STK32B: variants seen among roughly 807,000 people sequenced by gnomAD.
STK32B encodes the protein serine/threonine kinase 32B, also known as serine/threonine-protein kinase 32B.
Under a neutral mutation model 52.6 loss-of-function variants are expected in STK32B, and 43 were observed. That is an observed-to-expected ratio of 0.82 (90% confidence interval 0.64 to 1.05). The LOEUF is 1.05. STK32B is among the 50% of genes least tolerant of loss of function. The pLI, the probability that STK32B is intolerant of heterozygous loss-of-function variation, is 0.00. For synonymous variants in STK32B, 238 were observed against 204.3 expected (o/e 1.17, Z -1.41); for missense variants, 621 against 534.6 (o/e 1.16, Z -1.59).
At chr4:5,351,141 C>T (rs1045745192) in intron 4 of STK32B, among the ~76,000 whole-genome samples, 2 of 152,016 alleles carry the variant, frequency 1.3e-5, no homozygotes, top group East Asian at 3.8e-4. Context: ...AAAGGACCTA[C>T]CAGACATTTA....
intron 3 of STK32B, among the ~76,000 whole-genome samples, chr4:5,247,514 C>A (rs751656019): frequency 6.6e-6 from 1 of 152,154 alleles, no homozygotes; most frequent in Non-Finnish European, 1.5e-5. Context: ...TGACCCCTTG[C>A]ACTTCTCGGG....
chr4:5,477,131 G>A (rs958169342), intron 11 of STK32B, among the ~76,000 whole-genome samples: 9 of 152,160 alleles, frequency 5.9e-5, no homozygotes, highest in African/African-American at 1.7e-4. Flanking sequence ...AAGGCTCCCC[G>A]ATGGGTAGTG....
At chr4:5,262,976 C>T (rs902233387) in intron 3 of STK32B, among the ~76,000 whole-genome samples, 1 of 152,070 alleles carries the variant, frequency 6.6e-6, no homozygotes, top group Non-Finnish European at 1.5e-5. Flanking sequence ...ATCAACTATC[C>T]CCTGAAGCCT....
chr4:5,334,027 G>C (rs1322744961), intron 4 of STK32B, among the ~76,000 whole-genome samples: 1 of 152,026 alleles, frequency 6.6e-6, no homozygotes. Context: ...GTCATTGGTA[G>C]CTTGATGGGG....
At chr4:5,497,284 A>G (rs1293160093) in intron 11 of STK32B, among the ~76,000 whole-genome samples, 1 of 152,258 alleles carries the variant, frequency 6.6e-6, no homozygotes, top group Non-Finnish European at 1.5e-5. Context: ...ACAAAAGCCA[A>G]TTAAACACAA....
intron 1 of STK32B, among the ~76,000 whole-genome samples, chr4:5,079,861 A>G (rs1458577807): frequency 6.6e-6 from 1 of 152,222 alleles, no homozygotes; most frequent in African/African-American, 2.4e-5. Context: ...TAAGCCAGAC[A>G]CAGAAAGACA....
chr4:5,167,385 G>T (rs942760294), intron 2 of STK32B, among the ~76,000 whole-genome samples: 1 of 152,196 alleles, frequency 6.6e-6, no homozygotes, highest in Non-Finnish European at 1.5e-5. Context: ...GAGATGATTT[G>T]CTCAGTGTCT....
intron 3 of STK32B, among the ~76,000 whole-genome samples, chr4:5,245,700 G>A (rs1325556194): frequency 6.6e-6 from 1 of 152,208 alleles, no homozygotes; most frequent in African/African-American, 2.4e-5. Context: ...TGTTTTCGCA[G>A]TGGCTGGTAC....
At chr4:5,385,897 CT>C (rs904567079) in intron 4 of STK32B, among the ~76,000 whole-genome samples, 31 of 148,902 alleles carry the variant, frequency 2.1e-4, no homozygotes, top group African/African-American at 7.2e-4. Context: ...AGATCCACCC[CT>C]AGCTATACCC....
At position 5,249,855 on chromosome 4, in the gene STK32B, C is replaced by A. The variant is rs141315414; in HGVS notation, c.261-81365C>A. Among the ~76,000 whole-genome samples, 1,116 of 152,244 alleles carry A rather than the reference C, an allele frequency of 7.3e-3. 13 individuals are homozygous for A. Among genetic ancestry groups the A allele is most frequent in the African/African-American group, 0.025 (1,055 of 41,540 alleles). On this transcript the variant is annotated intron_variant, in intron 3 of 11. Coordinates refer to ENST00000282908, the MANE Select transcript of STK32B (RefSeq NM_018401.3). ...CAGGGGTTTGGTGTACAGATTATTT[C>A]ATCACCTATGTAATAAGCACAGTAC...
intron 11 of STK32B, among the ~76,000 whole-genome samples, chr4:5,498,393 A>T (rs1387582697): frequency 1.5e-5 from 2 of 133,176 alleles, no homozygotes; most frequent in Admixed American, 6.9e-5. Context: ...GTCTGTGTTT[A>T]ACAACTGTTT....
chr4:5,170,525 G>A (rs911125023), intron 3 of STK32B, among the ~76,000 whole-genome samples: 3 of 149,002 alleles, frequency 2.0e-5, no homozygotes, highest in African/African-American at 7.5e-5. Context: ...TGTTCTCATT[G>A]TTCAATACCC....
rs1378444855 is a variant in STK32B at position 5,188,969 on chromosome 4, A to T, written c.260+20519A>T. Among the ~76,000 whole-genome samples the T allele has an allele frequency of 2.0e-5, 3 of 152,164 alleles. No individual in the cohort carries two copies. The East Asian group carries it at 5.8e-4, about 29-fold the overall frequency. ...ATGGCACATGTATACCTATGTAACA[A>T]ACCTGCACGTTGTGCACGTGTACCC... On this transcript the variant is annotated intron_variant, in intron 3 of 11. Transcript: ENST00000282908.
intron 3 of STK32B, among the ~76,000 whole-genome samples, chr4:5,321,397 T>C (rs1023295282): frequency 1.3e-5 from 2 of 152,200 alleles, no homozygotes; most frequent in Non-Finnish European, 2.9e-5. Flanking sequence ...TAAATGTCTT[T>C]TGGAATTTGG....
intron 3 of STK32B, among the ~76,000 whole-genome samples, chr4:5,274,087 A>G (rs977651826): frequency 1.3e-5 from 2 of 152,218 alleles, no homozygotes; most frequent in Admixed American, 6.5e-5. Flanking sequence ...ATTCCACACA[A>G]TCTCAATCAA....
the STK32B span, among the ~76,000 whole-genome samples, chr4:5,038,381 G>A: frequency 2.6e-5 from 4 of 152,162 alleles, no homozygotes; most frequent in South Asian, 4.1e-4. Context: ...GCTTAATGAC[G>A]GGGATACATT....
intron 1 of STK32B, among the ~76,000 whole-genome samples, chr4:5,096,590 C>T (rs553365009): frequency 1.3e-5 from 2 of 152,280 alleles, no homozygotes; most frequent in East Asian, 1.9e-4. Context: ...ACTTTGAATT[C>T]GAGGTGTGCC....
chr4:5,404,171 G>A (rs1353354838), intron 5 of STK32B, among the ~76,000 whole-genome samples: 1 of 152,036 alleles, frequency 6.6e-6, no homozygotes, highest in African/African-American at 2.4e-5. Context: ...ACAGGCTTAA[G>A]CAACAGAAAC....
chr4:5,356,176 C>T (rs1403185195), intron 4 of STK32B, among the ~76,000 whole-genome samples: 1 of 152,098 alleles, frequency 6.6e-6, no homozygotes, highest in Non-Finnish European at 1.5e-5. Flanking sequence ...ATGAGAGACA[C>T]CTTTCTTGCC....
Sources: gnomAD v4.1 joint callset for allele counts (sites outside exome capture counted in the v4.1 genomes callset) on GRCh38, gnomAD v4.1.1 for gene constraint, MANE v1.5 for transcripts, NCBI Gene and HGNC (gene_info 2026-07-23, HGNC 2026-07-21) for gene names.